OR9Q1: variants seen among roughly 807,000 people sequenced by gnomAD.
The protein encoded by OR9Q1 is olfactory receptor family 9 subfamily Q member 1.
For missense variants in OR9Q1, 374 were observed against 378.8 expected (o/e 0.99, Z 0.11); for synonymous variants, 153 against 148.6 (o/e 1.03, Z -0.22).
intron 2 of OR9Q1, among the ~76,000 whole-genome samples, chr11:58,071,554 T>G (rs1294088409): frequency 4.0e-5 from 6 of 151,418 alleles, no homozygotes; most frequent in African/African-American, 1.5e-4. Flanking sequence ...CCTAGCGAAG[T>G]AGAGTTTGCA....
intron 2 of OR9Q1, chr11:58,077,597 C>T (rs146534101): frequency 3.3e-5 from 5 of 152,218 alleles, no homozygotes; most frequent in Middle Eastern, 3.4e-3. Flanking sequence ...CTTTGCCACT[C>T]GATGATTTCA....
At chr11:58,111,455 A>G (rs1853898288) in intron 2 of OR9Q1, among the ~76,000 whole-genome samples, 3 of 152,118 alleles carry the variant, frequency 2.0e-5, no homozygotes, top group Admixed American at 2.0e-4. Context: ...TGACTTATAC[A>G]TTGCTGTGGC....
chr11:58,173,776 C>T (rs888021506), intron 2 of OR9Q1, among the ~76,000 whole-genome samples: 1 of 152,088 alleles, frequency 6.6e-6, no homozygotes, highest in Non-Finnish European at 1.5e-5. Context: ...CATGTGCCTG[C>T]CGTTCTTCCT....
intron 1 of OR9Q1, among the ~76,000 whole-genome samples, chr11:58,029,198 G>A (rs2119905336): frequency 6.6e-6 from 1 of 152,348 alleles, no homozygotes. Context: ...ACTGGGGGCT[G>A]AATGATCTAT....
chr11:58,076,083 T>G (rs1345950334), intron 2 of OR9Q1, among the ~76,000 whole-genome samples: 1 of 152,216 alleles, frequency 6.6e-6, no homozygotes, highest in African/African-American at 2.4e-5. Flanking sequence ...GTGAGAAAGA[T>G]CATTTGGCCT....
chr11:58,089,538 C>T (rs2120061049), intron 2 of OR9Q1, among the ~76,000 whole-genome samples: 1 of 151,974 alleles, frequency 6.6e-6, no homozygotes, highest in Middle Eastern at 3.4e-3. Flanking sequence ...CAGTACCATG[C>T]TTTTTGATTA....
At chr11:58,030,457 C>A (rs1853020408) in intron 1 of OR9Q1, among the ~76,000 whole-genome samples, 1 of 152,206 alleles carries the variant, frequency 6.6e-6, no homozygotes, top group South Asian at 2.1e-4. Context: ...CACAACAAAT[C>A]TGTTAGGTTC....
chr11:58,167,615 T>A (rs1854517322), intron 2 of OR9Q1, among the ~76,000 whole-genome samples: 1 of 152,172 alleles, frequency 6.6e-6, no homozygotes, highest in Non-Finnish European at 1.5e-5. Flanking sequence ...GCTTCTGGTT[T>A]TAGCTGGGTA....
chr11:58,031,636 AC>A (rs34846253), intron 1 of OR9Q1: 294,670 of 1,613,848 alleles, frequency 0.18, 28,733 homozygotes, highest in Non-Finnish European at 0.2. Context: ...TCGTCTGGAC[AC>A]TGCTGCACAT....
intron 2 of OR9Q1, among the ~76,000 whole-genome samples, chr11:58,164,108 C>G (rs1854479455): frequency 6.6e-6 from 1 of 152,220 alleles, no homozygotes; most frequent in African/African-American, 2.4e-5. Context: ...GGAGCCGGAG[C>G]CTGCAGACAG....
intron 2 of OR9Q1, among the ~76,000 whole-genome samples, chr11:58,062,666 C>A (rs1042124361): frequency 3.9e-5 from 6 of 152,174 alleles, no homozygotes; most frequent in African/African-American, 1.4e-4. Flanking sequence ...AAGCAGCCTG[C>A]AGGCATGGGG....
chr11:58,173,242 C>A (rs1360963583), intron 2 of OR9Q1, among the ~76,000 whole-genome samples: 1 of 150,564 alleles, frequency 6.6e-6, no homozygotes, highest in Non-Finnish European at 1.5e-5. Context: ...CCCATTAACT[C>A]GTCATTTAGC....
intron 2 of OR9Q1, among the ~76,000 whole-genome samples, chr11:58,100,670 G>T (rs546328134): frequency 2.6e-4 from 40 of 151,680 alleles, no homozygotes; most frequent in Non-Finnish European, 4.3e-4. Flanking sequence ...TGTGTCTACT[G>T]AAACTATTTC....
chr11:58,039,713 GT>G (rs747091110), intron 1 of OR9Q1, among the ~76,000 whole-genome samples: 6 of 152,178 alleles, frequency 3.9e-5, no homozygotes, highest in Non-Finnish European at 7.3e-5. Context: ...CAATAGATAT[GT>G]TTAGTCCACT....
intron 2 of OR9Q1, among the ~76,000 whole-genome samples, chr11:58,177,991 T>TG (rs1300558999): frequency 1.3e-5 from 2 of 152,146 alleles, no homozygotes; most frequent in Non-Finnish European, 2.9e-5. Context: ...AGAAGGGGTT[T>TG]GTCCTGTTGA....
At chr11:58,129,017 T>A (rs1854115623) in intron 2 of OR9Q1, among the ~76,000 whole-genome samples, 1 of 152,196 alleles carries the variant, frequency 6.6e-6, no homozygotes, top group South Asian at 2.1e-4. Flanking sequence ...AGGTTATCCT[T>A]GGTTATGCTG....
Position 58,179,982 on chromosome 11 carries a change from G to A in OR9Q1, c.538G>A (p.Asp180Asn), listed in dbSNP as rs779300016. The stretch of plus-strand genomic sequence containing the variant: ...CAGTGAGATTGACTTTATTTTCTGT[G>A]ACCTCCCTCCTCTGTTAAAGTTGAC... ...GTSEIDFIFC[D>N]LPPLLKLTCG... Residue 180 changes from aspartate (D) to asparagine (N), a missense_variant, in exon 3 of 3, where the codon GAC becomes AAC. Physicochemically the swap from Asp to Asn is conservative, Grantham distance 23. Transcript: ENST00000335397. 1 of 1,614,090 alleles carries A rather than the reference G, an allele frequency of 6.2e-7. No homozygotes were observed. The highest frequency in any genetic ancestry group is 8.5e-7 in the Non-Finnish European group (1 of 1,180,034).
At chr11:58,075,185 A>T (rs1482953912) in intron 2 of OR9Q1, among the ~76,000 whole-genome samples, 1 of 152,160 alleles carries the variant, frequency 6.6e-6, no homozygotes, top group Non-Finnish European at 1.5e-5. Context: ...TGATTCTATA[A>T]ATTACCTTGG....
chr11:58,143,747 C>T (rs1048386292), intron 2 of OR9Q1, among the ~76,000 whole-genome samples: 1 of 152,006 alleles, frequency 6.6e-6, no homozygotes, highest in African/African-American at 2.4e-5. Context: ...AAAGCTAATG[C>T]TTGCTGGGCT....
Sources: gnomAD v4.1 joint callset for allele counts (sites outside exome capture counted in the v4.1 genomes callset) on GRCh38, gnomAD v4.1.1 for gene constraint, MANE v1.5 for transcripts, NCBI Gene and HGNC (gene_info 2026-07-23, HGNC 2026-07-21) for gene names.